RMP64: variants seen among roughly 807,000 people sequenced by gnomAD.
The protein encoded by RMP64 is nucleolus and neural progenitor protein.
chr3:113,017,878 C>T, the RMP64 span, among the ~76,000 whole-genome samples: 9 of 152,306 alleles, frequency 5.9e-5, no homozygotes, highest in African/African-American at 2.2e-4. Flanking sequence ...AATAATCTTT[C>T]ATATGAATAC....
the RMP64 span, among the ~76,000 whole-genome samples, chr3:113,006,856 A>G: frequency 2.0e-5 from 3 of 152,202 alleles, no homozygotes; most frequent in South Asian, 6.2e-4. Flanking sequence ...TAACCCCTTG[A>G]GCAAAATCCT....
chr3:113,008,325 A>T, the RMP64 span: 2 of 1,614,132 alleles, frequency 1.2e-6, no homozygotes, highest in Non-Finnish European at 1.7e-6. Flanking sequence ...GCCTCTCGGA[A>T]TCTTTGCACA....
chr3:113,005,508 C>G, the RMP64 span: 1 of 1,420,408 alleles, frequency 7.0e-7, no homozygotes, highest in Non-Finnish European at 9.9e-7. Flanking sequence ...TTGTTAATCA[C>G]TTAAAAGTCT....
chr3:113,013,549 G>A, the RMP64 span: 3 of 722,890 alleles, frequency 4.2e-6, no homozygotes, highest in African/African-American at 5.4e-5. Context: ...AGGTATGGCA[G>A]AAGAAGCACA....
At chr3:113,014,357 A>ATTTT in the RMP64 span, 4 of 163,012 alleles carry the variant, frequency 2.5e-5, no homozygotes, top group South Asian at 2.5e-4. Flanking sequence ...CTAAGACAAG[A>ATTTT]TTTTTTTTTT....
chr3:113,008,193 G>A, the RMP64 span: 323 of 1,614,086 alleles, frequency 2.0e-4, 1 homozygote, highest in Admixed American at 5.8e-4. Context: ...GCTTCCAGAT[G>A]TTTAAGCCGG....
chr3:113,011,845 T>C, the RMP64 span, among the ~76,000 whole-genome samples: 7 of 152,298 alleles, frequency 4.6e-5, no homozygotes, highest in Middle Eastern at 6.8e-3. Context: ...CATTTTAAAA[T>C]AATATGATTA....
At chr3:113,004,103 T>C in the RMP64 span, 2 of 152,226 alleles carry the variant, frequency 1.3e-5, no homozygotes, top group Admixed American at 6.5e-5. Flanking sequence ...CTCCTTGGTA[T>C]TGTCTGTATT....
the RMP64 span, chr3:113,011,001 G>T: frequency 6.6e-7 from 1 of 1,508,904 alleles, no homozygotes; most frequent in Non-Finnish European, 8.9e-7. Flanking sequence ...CTTTTTATTT[G>T]TTTTTTGTTT....
chr3:113,018,762 AC>A, the RMP64 span, among the ~76,000 whole-genome samples: 8 of 152,242 alleles, frequency 5.3e-5, no homozygotes, highest in South Asian at 1.7e-3. Context: ...TGCTTTCTCT[AC>A]ATTATCAACT....
the RMP64 span, chr3:113,014,863 T>C: frequency 2.0e-5 from 3 of 152,174 alleles, no homozygotes; most frequent in Non-Finnish European, 4.4e-5. Flanking sequence ...TTTTTTTCTC[T>C]TTTGAACCGC....
At chr3:113,004,386 T>G in the RMP64 span, 1 of 152,040 alleles carries the variant, frequency 6.6e-6, no homozygotes, top group African/African-American at 2.4e-5. Flanking sequence ...GTCTAAAGTT[T>G]GAGAACCACT....
chr3:113,011,738 T>C, the RMP64 span, among the ~76,000 whole-genome samples: 1 of 152,178 alleles, frequency 6.6e-6, no homozygotes, highest in African/African-American at 2.4e-5. Context: ...TTCAGGTTCT[T>C]CACATTTCTC....
chr3:113,013,156 G>T, the RMP64 span: 1 of 1,157,316 alleles, frequency 8.6e-7, no homozygotes. Flanking sequence ...AAAAGTTTAA[G>T]AATTCCTGTA....
chr3:113,002,467 A>C, the RMP64 span: 2 of 152,382 alleles, frequency 1.3e-5, no homozygotes, highest in African/African-American at 4.8e-5. Context: ...AACATTTAAT[A>C]GGGACTTATG....
chr3:113,017,441 T>C, the RMP64 span: 1 of 1,613,020 alleles, frequency 6.2e-7, no homozygotes, highest in Non-Finnish European at 8.5e-7. Flanking sequence ...CTACCGGGCT[T>C]CCTCACCTGT....
At chr3:113,016,477 G>A in the RMP64 span, among the ~76,000 whole-genome samples, 2 of 152,036 alleles carry the variant, frequency 1.3e-5, no homozygotes, top group African/African-American at 4.8e-5. Flanking sequence ...TTTTGATGAC[G>A]GGGTGATTAT....
At chr3:113,009,699 T>C in the RMP64 span, 2 of 152,202 alleles carry the variant, frequency 1.3e-5, no homozygotes, top group South Asian at 4.1e-4. Context: ...TATGCCTCAG[T>C]TTCCTCATCT....
At chr3:113,007,307 T>C in the RMP64 span, among the ~76,000 whole-genome samples, 1 of 152,156 alleles carries the variant, frequency 6.6e-6, no homozygotes, top group South Asian at 2.1e-4. Flanking sequence ...CTGTATACTT[T>C]TTTTTTTCTA....
Sources: gnomAD v4.1 joint callset for allele counts (sites outside exome capture counted in the v4.1 genomes callset) on GRCh38, gnomAD v4.1.1 for gene constraint, MANE v1.5 for transcripts, NCBI Gene and HGNC (gene_info 2026-07-23, HGNC 2026-07-21) for gene names.